CTDP1: variants seen among roughly 807,000 people sequenced by gnomAD.
CTDP1 encodes the protein RNA polymerase II subunit A C-terminal domain phosphatase.
CTDP1 carries 47 observed loss-of-function variants against 91.8 expected under a neutral mutation model. That is an observed-to-expected ratio of 0.51 (90% confidence interval 0.41 to 0.65). The LOEUF (loss-of-function observed/expected upper bound fraction) is 0.65. Among genes scored for constraint, CTDP1 ranks in the 30% least tolerant of loss-of-function variants. CTDP1 has a pLI of 0.00. For missense variants in CTDP1, 1,272 were observed against 1,373.7 expected, an observed-to-expected ratio of 0.93 and a Z score of 1.17; for synonymous variants, 656 against 598.5, an observed-to-expected ratio of 1.10 and a Z score of -1.40.
chr18:79,730,505 C>T (rs899463032), intron 11 of CTDP1, among the ~76,000 whole-genome samples: 7 of 152,230 alleles, frequency 4.6e-5, no homozygotes, highest in African/African-American at 1.7e-4. Context: ...CTTGAACGCA[C>T]TCAGCAGCTT....
chr18:79,681,479 C>G (rs533099515), intron 1 of CTDP1: 1 of 985,332 alleles, frequency 1.0e-6, no homozygotes, highest in Non-Finnish European at 1.2e-6. Context: ...TCATTCTGTT[C>G]CTCTGATTGT....
chr18:79,695,821 AG>A (rs572169181), intron 2 of CTDP1, among the ~76,000 whole-genome samples, 155 bp from the exon 3 acceptor site: 356 of 152,338 alleles, frequency 2.3e-3, no homozygotes, highest in Non-Finnish European at 4.1e-3. Flanking sequence ...CTGTCTGTGG[AG>A]AATGTTTCCA....
chr18:79,714,386 G>A (rs1450999010), intron 7 of CTDP1, 105 bp from the exon 8 acceptor site: 6 of 1,315,598 alleles, frequency 4.6e-6, no homozygotes, highest in Non-Finnish European at 6.5e-6. Context: ...GGTCTAGAGG[G>A]TGGTGGACTT....
chr18:79,681,412 A>T (rs2085365323), intron 1 of CTDP1: 1 of 969,956 alleles, frequency 1.0e-6, no homozygotes. Flanking sequence ...GGCAGATCCC[A>T]ATGCTGGTGT....
chr18:79,716,002 G>A (rs1005969941), intron 8 of CTDP1, among the ~76,000 whole-genome samples: 7 of 152,210 alleles, frequency 4.6e-5, no homozygotes, highest in African/African-American at 9.7e-5. Context: ...AACCTGTCCC[G>A]GACGGGGCAG....
upstream of CTDP1, chr18:79,678,739 G>A (rs2085288546): frequency 6.6e-6 from 1 of 152,226 alleles, no homozygotes; most frequent in Non-Finnish European, 1.5e-5. Context: ...AAAAAATTCT[G>A]GCAGGTATTA....
intron 5 of CTDP1, 23 bp from the exon 6 acceptor site, chr18:79,710,323 T>A (rs1488048985): frequency 6.3e-7 from 1 of 1,592,098 alleles, no homozygotes; most frequent in Non-Finnish European, 8.6e-7. Flanking sequence ...GTATGTAATC[T>A]TTGTCCTGTT....
intron 2 of CTDP1, among the ~76,000 whole-genome samples, chr18:79,695,728 A>G (rs891166264): frequency 6.6e-6 from 1 of 151,956 alleles, no homozygotes; most frequent in African/African-American, 2.4e-5. Context: ...CTTCTGTGTG[A>G]CTTTGCAGTT....
At position 79,747,658 on chromosome 18, in the gene CTDP1, G is replaced by A. The variant is rs181702198; in HGVS notation, c.2748-5994G>A. Among the ~76,000 whole-genome samples, 644 of 152,358 alleles carry A rather than the reference G, an allele frequency of 4.2e-3. 12 individuals carry two copies. The highest frequency in any genetic ancestry group is 0.017 in the Middle Eastern group (5 of 294). On this transcript the variant is annotated intron_variant, in intron 12 of 12. Transcript: ENST00000613122. ...CTCACGCCACGTTCCACTCCAGGGT[G>A]CACTGGGGAAATTATCCGCCATGCG... is the stretch of plus-strand genomic sequence containing the variant.
chr18:79,737,109 T>C (rs1346471288), intron 12 of CTDP1, among the ~76,000 whole-genome samples: 1 of 152,238 alleles, frequency 6.6e-6, no homozygotes, highest in Admixed American at 6.5e-5. Flanking sequence ...GCACCGTGGT[T>C]TGCTTTGCGC....
chr18:79,725,329 C>T (rs1029339542), intron 10 of CTDP1, among the ~76,000 whole-genome samples: 3 of 152,188 alleles, frequency 2.0e-5, no homozygotes, highest in African/African-American at 7.2e-5. Context: ...GGTGAGACTG[C>T]GGACTTGCCC....
chr18:79,709,726 T>G (rs1599241269), intron 5 of CTDP1, among the ~76,000 whole-genome samples: 1 of 152,234 alleles, frequency 6.6e-6, no homozygotes, highest in East Asian at 1.9e-4. Flanking sequence ...GCTTCCTCGA[T>G]GTTGCCTAAA....
At chr18:79,680,741 G>T (rs1013082139) in intron 1 of CTDP1, 8 of 152,682 alleles carry the variant, frequency 5.2e-5, no homozygotes, top group African/African-American at 1.9e-4. Context: ...TAAGGAACGG[G>T]CGGAACCCAG....
rs1298269356 is a variant in CTDP1, at chr18:79,697,982, G to A, written c.615G>A (p.Ser205=). ...HTTEQHCQQM[S]NKGIFHFQLG... is the part of the protein sequence containing the mutation. ...CCGAGCAGCACTGTCAGCAGATGTC[G>A]AATAAAGTGAGTGCAGTCAGCATCT... Residue 205 remains serine (S), a synonymous_variant, in exon 4 of 13, where the codon TCG becomes TCA. Coordinates refer to ENST00000613122, the MANE Select transcript of CTDP1 (RefSeq NM_004715.5). The A allele has an allele frequency of 6.8e-6, 11 of 1,614,204 alleles. No individual in the cohort carries two copies. The highest frequency in any genetic ancestry group is 4.5e-5 in the East Asian group (2 of 44,876).
At chr18:79,714,466 C>A in intron 7 of CTDP1, 25 bp from the exon 8 acceptor site, 1 of 1,612,022 alleles carries the variant, frequency 6.2e-7, no homozygotes, top group Non-Finnish European at 8.5e-7. Flanking sequence ...ATTGCGGTAA[C>A]TTTTCCTTTT....
At chr18:79,718,085 G>T in intron 10 of CTDP1, 69 bp downstream of exon 10, 14 of 1,570,486 alleles carry the variant, frequency 8.9e-6, no homozygotes, top group Non-Finnish European at 1.2e-5. Flanking sequence ...CAGTCTGTTG[G>T]GGGGATGGCG....
At chr18:79,677,165 G>A (rs1455127340), upstream of CTDP1, 1 of 152,266 alleles carries the variant, frequency 6.6e-6, no homozygotes, top group Admixed American at 6.5e-5. Context: ...CAACCTTTGA[G>A]ACAAACCTGT....
Position 79,715,391 on chromosome 18 carries a change from T to C in CTDP1, c.1931T>C (p.Leu644Pro). The C allele has an allele frequency of 6.2e-7, 1 of 1,605,828 alleles. No individual in the cohort carries two copies. Among genetic ancestry groups the C allele is most frequent in the Non-Finnish European group, 8.5e-7 (1 of 1,176,136 alleles). Reference protein sequence around the residue: ...LADVAIIFSGLHPTNFPIEKT... With the variant: ...LADVAIIFSGPHPTNFPIEKT... ...GACGTGGCCATAATTTTCAGTGGGCTACACCCGACAAACTTCCCGATAGAG... is the reference window on the plus strand; with the variant it reads ...GACGTGGCCATAATTTTCAGTGGGCCACACCCGACAAACTTCCCGATAGAG... The change falls in exon 8 of 13, where the codon CTA becomes CCA. Residue 644 changes from leucine (L) to proline (P), a missense_variant. By Grantham distance (98) the Leu-to-Pro change is moderately conservative. This residue lies in a region of CTDP1 where 881 missense variants were observed against 911.6 expected (regional missense o/e 0.97). Transcript: ENST00000613122.
At chr18:79,698,030 C>A (rs774796964) in intron 4 of CTDP1, 42 bp downstream of exon 4, 1 of 1,612,466 alleles carries the variant, frequency 6.2e-7, no homozygotes, top group Admixed American at 1.7e-5. Flanking sequence ...CCAGGAACCG[C>A]GGGTCCTAGA....
Sources: allele counts gnomAD v4.1 joint callset (sites outside exome capture counted in the v4.1 genomes callset), GRCh38; gene constraint gnomAD v4.1.1; regional missense constraint gnomAD v4.1.1; transcripts MANE v1.5; gene names NCBI Gene and HGNC (gene_info 2026-07-23, HGNC 2026-07-21).